The following SETBP1 variants were observed in gnomAD, a reference collection of about 807,000 sequenced individuals.
The protein encoded by SETBP1 is SET binding protein 1, also known as SET-binding protein.
Under a neutral mutation model 101.0 loss-of-function variants are expected in SETBP1, and 9 were observed. That is an observed-to-expected ratio of 0.09 (90% CI 0.05 to 0.16). The LOEUF (loss-of-function observed/expected upper bound fraction) is 0.16. SETBP1 is among the 10% of genes least tolerant of loss of function. The pLI, the probability that SETBP1 is intolerant of heterozygous loss-of-function variation, is 1.00. For missense variants in SETBP1, 1,858 were observed against 2,033.8 expected (o/e 0.91, Z 1.66); for synonymous variants, 818 against 788.5 (o/e 1.04, Z -0.63).
intron 2 of SETBP1, among the ~76,000 whole-genome samples, chr18:44,783,869 T>C (rs777161825): frequency 5.9e-5 from 9 of 152,270 alleles, no homozygotes; most frequent in South Asian, 2.1e-4. Context: ...CTAATGGCAC[T>C]AATTCTTTAT....
At chr18:44,982,308 G>T (rs1180861464) in intron 4 of SETBP1, among the ~76,000 whole-genome samples, 1 of 152,246 alleles carries the variant, frequency 6.6e-6, no homozygotes, top group South Asian at 2.1e-4. Flanking sequence ...GGCAGGGGCC[G>T]CCGGCTGGAA....
intron 2 of SETBP1, among the ~76,000 whole-genome samples, chr18:44,851,162 C>T (rs914081190): frequency 9.9e-5 from 15 of 152,142 alleles, no homozygotes; most frequent in Admixed American, 9.8e-4. Context: ...GAATTATTTA[C>T]CCTTCAACCC....
intron 4 of SETBP1, among the ~76,000 whole-genome samples, chr18:44,969,074 A>G (rs539513983): frequency 1.8e-4 from 27 of 152,308 alleles, no homozygotes; most frequent in African/African-American, 6.3e-4. Flanking sequence ...TAAAATACCA[A>G]CCACCAAAAT....
chr18:45,045,717 C>G (rs533847387), intron 5 of SETBP1, among the ~76,000 whole-genome samples: 2 of 152,182 alleles, frequency 1.3e-5, no homozygotes, highest in East Asian at 3.9e-4. Flanking sequence ...GTGTTCATGT[C>G]TGTAAAATGG....
At chr18:44,986,899 G>A (rs992904202) in intron 4 of SETBP1, 4 of 102,946 alleles carry the variant, frequency 3.9e-5, no homozygotes, top group Non-Finnish European at 6.7e-5. Flanking sequence ...ACAATAGTTA[G>A]TATAGTATAG....
At position 44,787,582 on chromosome 18, in the gene SETBP1, C is replaced by T. The variant is rs554663000; in HGVS notation, c.487-81648C>T. 4.2e-3 allele frequency among the ~76,000 whole-genome samples: 645 copies of T among 152,066 alleles called. 5 individuals are homozygous for T. Among genetic ancestry groups the T allele is most frequent in the African/African-American group, 0.015 (605 of 41,476 alleles). On this transcript the variant is annotated intron_variant, in intron 2 of 5. Transcript: ENST00000649279. ...TTAAAAGAAAATTGTTGGCCGGGCGCGGTGGCTCACGCCTGTAATCCCAGC... is the reference window on the plus strand; with the variant it reads ...TTAAAAGAAAATTGTTGGCCGGGCGTGGTGGCTCACGCCTGTAATCCCAGC...
chr18:44,725,976 G>T (rs989968355), intron 2 of SETBP1, among the ~76,000 whole-genome samples: 1 of 152,122 alleles, frequency 6.6e-6, no homozygotes, highest in Non-Finnish European at 1.5e-5. Flanking sequence ...AGCTTCAAAG[G>T]GGATGGGCAT....
intron 2 of SETBP1, among the ~76,000 whole-genome samples, chr18:44,857,177 G>T (rs1331700454): frequency 1.3e-5 from 2 of 152,192 alleles, no homozygotes; most frequent in African/African-American, 4.8e-5. Flanking sequence ...TTCTATGAAA[G>T]AACAGTGAGA....
chr18:44,915,150 G>A (rs1241940548), intron 3 of SETBP1, among the ~76,000 whole-genome samples: 5 of 152,056 alleles, frequency 3.3e-5, no homozygotes, highest in African/African-American at 4.8e-5. Flanking sequence ...TAATATAATA[G>A]GGCATCCTTG....
At chr18:45,028,734 T>A (rs1230558303) in intron 4 of SETBP1, among the ~76,000 whole-genome samples, 1 of 152,198 alleles carries the variant, frequency 6.6e-6, no homozygotes, top group Non-Finnish European at 1.5e-5. Flanking sequence ...CTCATTGTGG[T>A]TTTGATTTGC....
intron 2 of SETBP1, among the ~76,000 whole-genome samples, chr18:44,725,697 T>G (rs2069690508): frequency 6.6e-6 from 1 of 152,122 alleles, no homozygotes. Flanking sequence ...TGTGAGGTTG[T>G]GGCAGAGCTG....
At chr18:44,797,715 G>C (rs1018447777) in intron 2 of SETBP1, among the ~76,000 whole-genome samples, 1 of 152,194 alleles carries the variant, frequency 6.6e-6, no homozygotes, top group African/African-American at 2.4e-5. Context: ...GTAGAAAACA[G>C]AAAGTGCATG....
intron 4 of SETBP1, among the ~76,000 whole-genome samples, chr18:45,024,110 C>T (rs2073120974): frequency 6.6e-6 from 1 of 152,120 alleles, no homozygotes; most frequent in Admixed American, 6.5e-5. Flanking sequence ...CATGTCTTTG[C>T]TTTACTCTCC....
chr18:44,950,233 C>T lies in SETBP1; in HGVS notation c.893C>T (p.Ser298Leu), dbSNP rs2071308042. Residue 298 changes from serine to leucine, a missense_variant, in exon 4 of 6, where the codon TCA becomes TTA. Transcript: ENST00000649279. ...GVAPSPSSHS[S>L]PAPPSSSAEC... ...GCTCCATCCCCAAGCAGCCACAGCT[C>T]ACCAGCCCCACCCAGCAGCTCTGCT... 3.1e-6 allele frequency: 5 copies of T among 1,613,952 alleles called. No homozygotes were observed. The highest frequency in any genetic ancestry group is 4.2e-6 in the Non-Finnish European group (5 of 1,180,026).
At chr18:44,802,570 T>A (rs553674821) in intron 2 of SETBP1, among the ~76,000 whole-genome samples, 1 of 152,310 alleles carries the variant, frequency 6.6e-6, no homozygotes, top group South Asian at 2.1e-4. Flanking sequence ...TCCAGGTGTA[T>A]CTTCCTTCCT....
intron 2 of SETBP1, among the ~76,000 whole-genome samples, chr18:44,761,068 AT>A (rs2070630004): frequency 6.6e-6 from 1 of 152,198 alleles, no homozygotes; most frequent in Non-Finnish European, 1.5e-5. Flanking sequence ...GTCATCTTTA[AT>A]TCTCACCACA....
intron 2 of SETBP1, among the ~76,000 whole-genome samples, chr18:44,802,973 TC>T (rs2071639524): frequency 6.6e-6 from 1 of 152,118 alleles, no homozygotes; most frequent in Admixed American, 6.6e-5. Flanking sequence ...TTTCTGTGGG[TC>T]ATTTGGGCCT....
At chr18:45,039,188 C>T (rs2073460140) in intron 5 of SETBP1, among the ~76,000 whole-genome samples, 1 of 152,138 alleles carries the variant, frequency 6.6e-6, no homozygotes. Context: ...GCATCGGTAC[C>T]TTCTACCCAT....
At chr18:44,915,080 G>A (rs1420595025) in intron 3 of SETBP1, among the ~76,000 whole-genome samples, 1 of 152,070 alleles carries the variant, frequency 6.6e-6, no homozygotes, top group African/African-American at 2.4e-5. Context: ...ATATAACTGT[G>A]GAAATTCGTA....
Sources: gnomAD v4.1 joint callset for allele counts (sites outside exome capture counted in the v4.1 genomes callset) on GRCh38, gnomAD v4.1.1 for gene constraint, MANE v1.5 for transcripts, NCBI Gene and HGNC (gene_info 2026-07-23, HGNC 2026-07-21) for gene names.